CEP112: variants seen among roughly 807,000 people sequenced by gnomAD.
CEP112 encodes the protein centrosomal protein 112, also known as centrosomal protein of 112 kDa.
In CEP112, 127 loss-of-function variants were observed where a neutral mutation model predicts 153.0. That is an observed-to-expected ratio of 0.83 (90% CI 0.72 to 0.96). The LOEUF (loss-of-function observed/expected upper bound fraction) is 0.96, where lower values mean the gene tolerates loss of function less well. Ranked by LOEUF, CEP112 falls within the 40% of genes least tolerant of loss-of-function variation. The pLI is 0.00. For missense variants in CEP112, 1,089 were observed against 1,101.2 expected (o/e 0.99, Z 0.16); for synonymous variants, 358 against 374.4 (o/e 0.96, Z 0.51).
At chr17:65,885,984 G>T (rs995956020) in intron 20 of CEP112, among the ~76,000 whole-genome samples, 5 of 152,148 alleles carry the variant, frequency 3.3e-5, no homozygotes, top group African/African-American at 4.8e-5. Flanking sequence ...TATATGAATT[G>T]CTTTGTACTG....
Position 66,061,236 on chromosome 17 carries a change from T to A in CEP112, c.1074+1727A>T, listed in dbSNP as rs780599924. The stretch of plus-strand genomic sequence containing the variant: ...AAACCAAACTTACAATGAGATATCA[T>A]CTAACTGTAGTTAGCATGATTATTA... On this transcript the variant is annotated intron_variant, in intron 11 of 26. Coordinates refer to ENST00000535342, the MANE Select transcript of CEP112 (RefSeq NM_001199165.4). 3.9e-4 allele frequency among the ~76,000 whole-genome samples: 60 copies of A among 152,152 alleles called. 1 individual carries two copies. Among genetic ancestry groups the A allele is most frequent in the Admixed American group, 2.9e-3 (45 of 15,278 alleles).
chr17:65,702,513 T>C (rs2048693409), intron 23 of CEP112, among the ~76,000 whole-genome samples: 1 of 152,146 alleles, frequency 6.6e-6, no homozygotes, highest in South Asian at 2.1e-4. Context: ...AGAATATATA[T>C]TGTGAGAGAG....
chr17:65,738,745 G>A (rs2050948970), intron 23 of CEP112, among the ~76,000 whole-genome samples: 1 of 152,180 alleles, frequency 6.6e-6, no homozygotes, highest in African/African-American at 2.4e-5. Context: ...ATGCCGCAAT[G>A]TTAATTAATG....
chr17:66,065,248 G>C (rs764763433), intron 10 of CEP112, among the ~76,000 whole-genome samples: 5 of 152,132 alleles, frequency 3.3e-5, no homozygotes, highest in Non-Finnish European at 7.4e-5. Context: ...TCTCTGAGTT[G>C]GCAGGGACTT....
intron 4 of CEP112, among the ~76,000 whole-genome samples, chr17:66,162,848 A>G (rs2146773388): frequency 1.3e-5 from 2 of 152,250 alleles, no homozygotes; most frequent in Middle Eastern, 6.8e-3. Context: ...CATTTTGTAA[A>G]ACTTCATCAA....
chr17:66,152,460 A>G (rs2071251167), intron 4 of CEP112, among the ~76,000 whole-genome samples: 1 of 152,222 alleles, frequency 6.6e-6, no homozygotes, highest in Non-Finnish European at 1.5e-5. Flanking sequence ...AAGGAAAGTT[A>G]AAGAAAATGG....
chr17:65,686,038 G>A (rs1348557016), intron 24 of CEP112, among the ~76,000 whole-genome samples: 3 of 149,770 alleles, frequency 2.0e-5, no homozygotes, highest in Non-Finnish European at 3.0e-5. Flanking sequence ...TTAGATAAAA[G>A]ATTAAGTTAA....
chr17:66,163,768 T>G (rs992625137), intron 4 of CEP112, among the ~76,000 whole-genome samples: 3 of 152,180 alleles, frequency 2.0e-5, no homozygotes, highest in Non-Finnish European at 4.4e-5. Context: ...CTTAGAACAC[T>G]CAATATTTAA....
chr17:65,782,209 G>C (rs1395760406), intron 21 of CEP112, among the ~76,000 whole-genome samples: 26 of 151,964 alleles, frequency 1.7e-4, no homozygotes, highest in Admixed American at 1.7e-3. Context: ...TTTCTCAAAA[G>C]AAGACATACA....
In CEP112 at chr17:66,028,292, GT is replaced by G. The variant is rs1568399947; in HGVS notation, c.1596+20del. The G allele has an allele frequency of 7.1e-7, 1 of 1,400,294 alleles. No homozygotes were observed. 86.7% of individuals were successfully genotyped at this position (1,400,294 alleles called of 1,614,324 possible). A position where few individuals can be genotyped will look rare whatever the true frequency, so the allele number is the denominator to read the frequency against. ...AACTGTGTTTGACCATTGTTCTTCT[GT>G]GTAGAAATACAAGACTCACCCTTAG... On this transcript the variant is annotated intron_variant, in intron 15 of 26. Coordinates refer to ENST00000535342, the MANE Select transcript of CEP112 (RefSeq NM_001199165.4).
At chr17:65,666,594 A>C (rs542242073) in intron 24 of CEP112, among the ~76,000 whole-genome samples, 11 of 152,378 alleles carry the variant, frequency 7.2e-5, no homozygotes, top group African/African-American at 2.6e-4. Context: ...AGAACAAGGT[A>C]TAAATCAATA....
chr17:65,674,443 T>C (rs551411722), intron 24 of CEP112, among the ~76,000 whole-genome samples: 1 of 152,282 alleles, frequency 6.6e-6, no homozygotes, highest in South Asian at 2.1e-4. Context: ...TCTAGAGTGG[T>C]TGGTGAGAGG....
chr17:65,705,941 C>A (rs1211764826), intron 23 of CEP112, among the ~76,000 whole-genome samples: 1 of 152,156 alleles, frequency 6.6e-6, no homozygotes, highest in Non-Finnish European at 1.5e-5. Context: ...GAGAGGCATT[C>A]TGAAATACAC....
intron 20 of CEP112, among the ~76,000 whole-genome samples, chr17:65,898,467 A>G (rs1348579428): frequency 6.6e-6 from 1 of 152,182 alleles, no homozygotes; most frequent in African/African-American, 2.4e-5. Flanking sequence ...TAAGTAGAAA[A>G]GAATTATTAC....
chr17:66,027,274 G>C (rs544225811), intron 16 of CEP112, among the ~76,000 whole-genome samples: 2 of 152,200 alleles, frequency 1.3e-5, no homozygotes, highest in Admixed American at 6.5e-5. Flanking sequence ...CTACTCAAGA[G>C]GCTGAGGCAT....
At chr17:65,944,202 G>A (rs2061583857) in intron 18 of CEP112, among the ~76,000 whole-genome samples, 1 of 152,178 alleles carries the variant, frequency 6.6e-6, no homozygotes, top group African/African-American at 2.4e-5. Flanking sequence ...AGGATAAATA[G>A]CTAATGCATG....
At position 66,125,179 on chromosome 17, in the gene CEP112, T is replaced by C. The variant is rs78674680; in HGVS notation, c.642+4567A>G. 1.7e-4 allele frequency among the ~76,000 whole-genome samples: 26 copies of C among 152,334 alleles called. No homozygotes were observed. In the East Asian group the frequency reaches 5.0e-3, roughly 29 times the overall value. On this transcript the variant is annotated intron_variant, in intron 6 of 26. Coordinates refer to ENST00000535342, the MANE Select transcript of CEP112 (RefSeq NM_001199165.4). ...ACTCTAGAGAAAGACAAAGAGAATT[T>C]GTCTTATCAAAGTATTAATTTTTTA...
At chr17:65,945,246 G>A (rs995926818) in intron 18 of CEP112, among the ~76,000 whole-genome samples, 8 of 152,148 alleles carry the variant, frequency 5.3e-5, no homozygotes, top group East Asian at 1.9e-4. Context: ...ATAGTACTCC[G>A]TTGTGTGACT....
intron 20 of CEP112, among the ~76,000 whole-genome samples, chr17:65,869,290 C>T (rs982045596): frequency 2.6e-5 from 4 of 152,148 alleles, no homozygotes; most frequent in Non-Finnish European, 4.4e-5. Context: ...TTGGTATTAT[C>T]GGAAGTGCAT....
Sources: allele counts gnomAD v4.1 joint callset (sites outside exome capture counted in the v4.1 genomes callset), GRCh38; gene constraint gnomAD v4.1.1; transcripts MANE v1.5; gene names NCBI Gene and HGNC (gene_info 2026-07-23, HGNC 2026-07-21).